The following CSMD3 variants were observed in gnomAD, a reference collection of about 807,000 sequenced individuals.
The protein encoded by CSMD3 is CUB and Sushi multiple domains 3, also known as CUB and sushi domain-containing protein 3.
Under a neutral mutation model 435.2 loss-of-function variants are expected in CSMD3, and 177 were observed. The ratio of observed to expected loss-of-function variants is 0.41; its 90% CI spans 0.36 to 0.46. The LOEUF (loss-of-function observed/expected upper bound fraction) is 0.46. Among genes scored for constraint, CSMD3 ranks in the 20% least tolerant of loss-of-function variants. CSMD3 has a pLI of 0.34. For missense variants in CSMD3, 4,265 were observed against 4,504.6 expected (o/e 0.95, Z 1.52); for synonymous variants, 1,656 against 1,520.5 (o/e 1.09, Z -2.07).
At chr8:112,447,089 T>C (rs1177346368) in intron 32 of CSMD3, among the ~76,000 whole-genome samples, 2 of 152,170 alleles carry the variant, frequency 1.3e-5, no homozygotes, top group African/African-American at 4.8e-5. Flanking sequence ...AAATAAAATA[T>C]AGTAGCAAAT....
intron 22 of CSMD3, among the ~76,000 whole-genome samples, chr8:112,596,045 G>T (rs1419701331): frequency 6.7e-6 from 1 of 150,336 alleles, no homozygotes; most frequent in Admixed American, 6.6e-5. Flanking sequence ...TGGACTAAAT[G>T]CTCCAATTAA....
chr8:112,616,290 T>C (rs1185071787), intron 22 of CSMD3, among the ~76,000 whole-genome samples: 2 of 152,042 alleles, frequency 1.3e-5, no homozygotes, highest in Admixed American at 6.6e-5. Flanking sequence ...TTATCTCAGT[T>C]TATCTTCATG....
At chr8:112,987,982 A>G (rs1414373362) in intron 6 of CSMD3, among the ~76,000 whole-genome samples, 1 of 152,050 alleles carries the variant, frequency 6.6e-6, no homozygotes, top group Non-Finnish European at 1.5e-5. Flanking sequence ...TGTACACATC[A>G]TCTCTAAGGA....
At chr8:112,917,635 G>A (rs540969843) in intron 10 of CSMD3, among the ~76,000 whole-genome samples, 2 of 152,008 alleles carry the variant, frequency 1.3e-5, no homozygotes, top group East Asian at 3.9e-4. Flanking sequence ...TCCATAAAGC[G>A]AGACTTTAAT....
intron 11 of CSMD3, among the ~76,000 whole-genome samples, chr8:112,835,059 T>C (rs2079982619): frequency 6.6e-6 from 1 of 152,000 alleles, no homozygotes; most frequent in African/African-American, 2.4e-5. Context: ...GTGTTGCTTA[T>C]TGAGGTTTGA....
At chr8:112,995,485 G>A (rs1428996508) in intron 6 of CSMD3, among the ~76,000 whole-genome samples, 2 of 151,244 alleles carry the variant, frequency 1.3e-5, no homozygotes, top group Non-Finnish European at 3.0e-5. Flanking sequence ...TTAACGTTTC[G>A]CACCAGTTAG....
chr8:113,286,744 A>G (rs922826302), intron 2 of CSMD3, among the ~76,000 whole-genome samples: 20 of 152,052 alleles, frequency 1.3e-4, no homozygotes, highest in African/African-American at 4.8e-4. Flanking sequence ...TGTAATGTGT[A>G]TAACAGCTGA....
chr8:113,102,914 T>A (rs1030894279), intron 4 of CSMD3, among the ~76,000 whole-genome samples: 1 of 152,094 alleles, frequency 6.6e-6, no homozygotes, highest in African/African-American at 2.4e-5. Flanking sequence ...TATCAAAAGA[T>A]CATTTAGTTG....
intron 35 of CSMD3, among the ~76,000 whole-genome samples, chr8:112,393,181 C>T (rs989212923): frequency 7.9e-5 from 12 of 152,108 alleles, no homozygotes; most frequent in East Asian, 1.9e-4. Context: ...CCACTGTGCC[C>T]GGCCTACAGA....
intron 59 of CSMD3, among the ~76,000 whole-genome samples, chr8:112,276,822 C>A (rs764976819): frequency 2.0e-5 from 3 of 152,148 alleles, no homozygotes; most frequent in Admixed American, 6.6e-5. Context: ...AGCCTCAACA[C>A]CACATGGAAG....
intron 5 of CSMD3, among the ~76,000 whole-genome samples, chr8:113,031,081 A>C (rs2087089587): frequency 6.6e-6 from 1 of 151,728 alleles, no homozygotes; most frequent in Admixed American, 6.6e-5. Flanking sequence ...GGAGAAGAAT[A>C]TCAGTCTTTT....
At chr8:112,448,755 TAAAAAAA>T (rs199998820) in intron 32 of CSMD3, among the ~76,000 whole-genome samples, 2 of 127,204 alleles carry the variant, frequency 1.6e-5, no homozygotes, top group African/African-American at 3.2e-5. Flanking sequence ...TACAATCTAT[TAAAAAAA>T]AAAAAAAAAA....
intron 5 of CSMD3, among the ~76,000 whole-genome samples, chr8:113,081,571 T>C (rs1308099565): frequency 6.6e-6 from 1 of 152,148 alleles, no homozygotes; most frequent in Non-Finnish European, 1.5e-5. Flanking sequence ...GACTGCGTTG[T>C]TCCAGAGAGT....
chr8:112,415,012 A>G (rs1811754203), intron 32 of CSMD3, among the ~76,000 whole-genome samples: 1 of 152,240 alleles, frequency 6.6e-6, no homozygotes, highest in Admixed American at 6.5e-5. Flanking sequence ...ACCATGTGAT[A>G]GAAAATAAAA....
At chr8:113,277,803 A>G (rs1402944) in intron 3 of CSMD3, among the ~76,000 whole-genome samples, 45,889 of 151,804 alleles carry the variant, frequency 0.3, 8,038 homozygotes, top group East Asian at 0.7. Context: ...ATAAGAAATG[A>G]TAAGTCCATG....
At chr8:112,952,725 A>T (rs1368403755) in intron 8 of CSMD3, among the ~76,000 whole-genome samples, 6 of 151,604 alleles carry the variant, frequency 4.0e-5, no homozygotes, top group Non-Finnish European at 8.9e-5. Flanking sequence ...AAAAACCAAG[A>T]GTATTTAAAA....
intron 27 of CSMD3, among the ~76,000 whole-genome samples, chr8:112,530,613 A>T (rs951512248): frequency 2.0e-5 from 3 of 152,224 alleles, no homozygotes. Flanking sequence ...GCTCATCACC[A>T]TTAGACATGC....
Position 112,253,598 on chromosome 8 carries a change from G to T in CSMD3, c.10110+655C>A, listed in dbSNP as rs528054597. 2.6e-5 allele frequency among the ~76,000 whole-genome samples: 4 copies of T among 152,038 alleles called. No homozygotes were observed. The South Asian group carries it at 6.2e-4, about 24-fold the overall frequency. On this transcript the variant is annotated intron_variant, in intron 63 of 70. Coordinates refer to ENST00000297405, the MANE Select transcript of CSMD3 (RefSeq NM_198123.2). ...GGCTACTTCTGTTTGGAATCAGTATGCACTTTGGCTCCCCTTGGATCTTTT... is the reference window on the plus strand; with the variant it reads ...GGCTACTTCTGTTTGGAATCAGTATTCACTTTGGCTCCCCTTGGATCTTTT...
At chr8:112,321,162 A>T (rs1822966082) in intron 45 of CSMD3, among the ~76,000 whole-genome samples, 1 of 152,108 alleles carries the variant, frequency 6.6e-6, no homozygotes, top group Non-Finnish European at 1.5e-5. Flanking sequence ...TCTGAGGCAA[A>T]TTGTTTTATA....
Sources: allele counts gnomAD v4.1 joint callset (sites outside exome capture counted in the v4.1 genomes callset), GRCh38; gene constraint gnomAD v4.1.1; transcripts MANE v1.5; gene names NCBI Gene and HGNC (gene_info 2026-07-23, HGNC 2026-07-21).